The following SLC25A21 variants were observed in gnomAD, a reference collection of about 807,000 sequenced individuals.
SLC25A21 encodes the protein solute carrier family 25 member 21.
In SLC25A21, 47 loss-of-function variants were observed where a neutral mutation model predicts 43.8. That is an observed-to-expected ratio of 1.07 (90% CI 0.85 to 1.37). The LOEUF is 1.37. SLC25A21 is among the 40% of genes most tolerant of loss of function. The probability of loss-of-function intolerance (pLI) is 0.00; values close to 1 mark genes in which losing one functional copy is unlikely to be tolerated. For synonymous variants in SLC25A21, 131 were observed against 121.3 expected (o/e 1.08, Z -0.52); for missense variants, 352 against 350.2 (o/e 1.00, Z -0.04).
At chr14:37,077,884 G>A (rs1223518455) in intron 1 of SLC25A21, among the ~76,000 whole-genome samples, 1 of 152,004 alleles carries the variant, frequency 6.6e-6, no homozygotes, top group Non-Finnish European at 1.5e-5. Flanking sequence ...CCACTCTGTG[G>A]GGCTTTTGCT....
At chr14:36,940,099 T>G (rs1739076121) in intron 1 of SLC25A21, among the ~76,000 whole-genome samples, 1 of 152,182 alleles carries the variant, frequency 6.6e-6, no homozygotes, top group South Asian at 2.1e-4. Context: ...GTGTATATTC[T>G]AAACTGCGTA....
At chr14:36,751,249 C>CTCA (rs974491231) in intron 3 of SLC25A21, among the ~76,000 whole-genome samples, 3 of 152,202 alleles carry the variant, frequency 2.0e-5, no homozygotes, top group African/African-American at 7.2e-5. Context: ...ATACTTCTCT[C>CTCA]TCATTCTGCT....
At chr14:36,714,440 A>C (rs943566530) in intron 6 of SLC25A21, among the ~76,000 whole-genome samples, 2 of 152,156 alleles carry the variant, frequency 1.3e-5, no homozygotes, top group African/African-American at 4.8e-5. Context: ...CTCACCCAGG[A>C]GCTTTCCTCT....
At chr14:36,812,232 G>A (rs982461473) in intron 3 of SLC25A21, among the ~76,000 whole-genome samples, 12 of 152,056 alleles carry the variant, frequency 7.9e-5, no homozygotes, top group African/African-American at 2.9e-4. Context: ...TGGTAAACAG[G>A]AGATACATGT....
rs186473487 is a variant in SLC25A21, at chr14:36,972,055, C to T, written c.71-97051G>A. Among the ~76,000 whole-genome samples, 145 of 152,116 alleles carry T rather than the reference C, an allele frequency of 9.5e-4. No individual in the cohort carries two copies. In the Middle Eastern group the frequency reaches 0.01, roughly 11 times the overall value. On this transcript the variant is annotated intron_variant, in intron 1 of 9. Coordinates refer to ENST00000331299, the MANE Select transcript of SLC25A21 (RefSeq NM_030631.4). ...GGCAGATTATATGTATGATAATGGT[C>T]CCGTAAGATTATAACATATTTTTAT...
At chr14:37,125,550 CTAAAG>C (rs776456660) in intron 1 of SLC25A21, among the ~76,000 whole-genome samples, 1 of 152,142 alleles carries the variant, frequency 6.6e-6, no homozygotes, top group Non-Finnish European at 1.5e-5. Context: ...TAAAAAATGA[CTAAAG>C]TAAACATTAA....
chr14:36,929,022 C>T (rs925797726), intron 1 of SLC25A21, among the ~76,000 whole-genome samples: 25 of 152,042 alleles, frequency 1.6e-4, no homozygotes, highest in African/African-American at 4.6e-4. Flanking sequence ...CACCAGAAAA[C>T]GGTCTCATAT....
intron 7 of SLC25A21, among the ~76,000 whole-genome samples, chr14:36,707,256 G>A (rs1381235468): frequency 2.0e-5 from 3 of 152,156 alleles, no homozygotes; most frequent in African/African-American, 7.2e-5. Context: ...TATACTGGGG[G>A]AATTTCTCCT....
At chr14:37,166,842 A>C (rs1244370688) in intron 1 of SLC25A21, among the ~76,000 whole-genome samples, 4 of 152,200 alleles carry the variant, frequency 2.6e-5, no homozygotes, top group Non-Finnish European at 4.4e-5. Flanking sequence ...ACAATTAGTG[A>C]GAGGAAATAT....
intron 1 of SLC25A21, among the ~76,000 whole-genome samples, chr14:36,961,902 T>G (rs1419790814): frequency 2.6e-5 from 4 of 152,148 alleles, no homozygotes; most frequent in Non-Finnish European, 5.9e-5. Flanking sequence ...CCTGTCTGTA[T>G]GTCTGAAAAC....
intron 1 of SLC25A21, among the ~76,000 whole-genome samples, chr14:37,102,109 A>C (rs1962827371): frequency 6.6e-6 from 1 of 152,204 alleles, no homozygotes; most frequent in Non-Finnish European, 1.5e-5. Context: ...AGTTAACAGC[A>C]GTTAGGACTG....
intron 1 of SLC25A21, among the ~76,000 whole-genome samples, chr14:36,934,367 TAGTA>T: frequency 6.6e-6 from 1 of 151,934 alleles, no homozygotes. Context: ...CCACAAATTC[TAGTA>T]AGTAACACAA....
chr14:36,916,051 T>C (rs540437498), intron 1 of SLC25A21, among the ~76,000 whole-genome samples: 1 of 152,314 alleles, frequency 6.6e-6, no homozygotes, highest in Non-Finnish European at 1.5e-5. Context: ...AAAGAGATGT[T>C]CAAAACTTTT....
Position 36,680,362 on chromosome 14 carries a change from CAA to C in SLC25A21, c.*294_*295del, listed in dbSNP as rs1181197647. The C allele has an allele frequency of 1.9e-6, 2 of 1,033,150 alleles. No homozygotes were observed. Among genetic ancestry groups the C allele is most frequent in the African/African-American group, 1.7e-5 (1 of 59,048 alleles). 64.0% of individuals were successfully genotyped at this position (1,033,150 alleles called of 1,614,324 possible). A position where few individuals can be genotyped will look rare whatever the true frequency, so the allele number is the denominator to read the frequency against. On this transcript the variant is annotated 3_prime_UTR_variant, in exon 10 of 10. Transcript: ENST00000331299. ...AAGCATTGAAGAGGAACACAGGAGA[CAA>C]AGTTTCTATTTATTTTATGAAATAA...
rs942102952 is a variant in SLC25A21, at chr14:36,678,256, A to G, written c.*2402T>C. On this transcript the variant is annotated 3_prime_UTR_variant, in exon 10 of 10. Coordinates refer to ENST00000331299, the MANE Select transcript of SLC25A21 (RefSeq NM_030631.4). ...TCAAATCACTAGGATGTAAACAGTA[A>G]GCAGATTTCTGACACACAAATTATG... 7 of 559,714 alleles carry G rather than the reference A, an allele frequency of 1.3e-5. No homozygotes were observed. In the African/African-American group the frequency reaches 1.3e-4, roughly 10 times the overall value. The allele number at this position is 559,714 out of a possible 1,614,324, so 34.7% of individuals were successfully genotyped here.
chr14:36,745,284 AATAGTGCCACAATAAAC>A (rs1036344517), intron 3 of SLC25A21, among the ~76,000 whole-genome samples: 4 of 152,128 alleles, frequency 2.6e-5, no homozygotes, highest in Non-Finnish European at 5.9e-5. Context: ...TGCTATTGTG[AATAGTGCCACAATAAAC>A]ATACGTGTGC....
In SLC25A21 at chr14:36,747,058, T is replaced by C. The variant is rs1336025992; in HGVS notation, c.204-12485A>G. On this transcript the variant is annotated intron_variant, in intron 3 of 9. Transcript: ENST00000331299. Reference sequence around the variant, plus strand: ...ATATGTATACATCAACAAATATATATAAATTCATATACCCAGACATGACTC... The same window carrying C: ...ATATGTATACATCAACAAATATATACAAATTCATATACCCAGACATGACTC... 2.6e-5 allele frequency among the ~76,000 whole-genome samples: 4 copies of C among 152,274 alleles called. No homozygotes were observed. The East Asian group carries it at 7.7e-4, about 29-fold the overall frequency.
At chr14:37,035,558 A>G (rs1961309396) in intron 1 of SLC25A21, among the ~76,000 whole-genome samples, 1 of 152,202 alleles carries the variant, frequency 6.6e-6, no homozygotes, top group Non-Finnish European at 1.5e-5. Context: ...CTGGTATTTG[A>G]CCTTTGGCAG....
intron 1 of SLC25A21, among the ~76,000 whole-genome samples, chr14:36,934,383 T>C (rs1303255205): frequency 6.6e-6 from 1 of 151,888 alleles, no homozygotes; most frequent in African/African-American, 2.4e-5. Context: ...GTAACACAAC[T>C]TTCTAAGCAA....
Sources: allele counts gnomAD v4.1 joint callset (sites outside exome capture counted in the v4.1 genomes callset), GRCh38; gene constraint gnomAD v4.1.1; transcripts MANE v1.5; gene names NCBI Gene and HGNC (gene_info 2026-07-23, HGNC 2026-07-21).